The following METRNL variants were observed in gnomAD, a reference collection of about 807,000 sequenced individuals.
METRNL encodes the protein meteorin-like protein.
METRNL carries 9 observed loss-of-function variants against 17.4 expected under a neutral mutation model. The ratio of observed to expected loss-of-function variants is 0.52; its 90% CI spans 0.31 to 0.90. The LOEUF is 0.90. Ranked by LOEUF, METRNL falls within the 40% of genes least tolerant of loss-of-function variation. The probability of loss-of-function intolerance (pLI) is 0.05; values close to 1 mark genes in which losing one functional copy is unlikely to be tolerated. For synonymous variants in METRNL, 215 were observed against 199.3 expected, an observed-to-expected ratio of 1.08 and a Z score of -0.66; for missense variants, 408 against 430.7, an observed-to-expected ratio of 0.95 and a Z score of 0.47.
intron 2 of METRNL, among the ~76,000 whole-genome samples, chr17:83,088,976 A>G (rs572891179): frequency 6.6e-6 from 1 of 152,088 alleles, no homozygotes; most frequent in East Asian, 1.9e-4. Flanking sequence ...TGTAATTTTC[A>G]TTTTAACCAT....
chr17:83,082,060 T>G, intron 1 of METRNL: 1 of 985,290 alleles, frequency 1.0e-6, no homozygotes, highest in Non-Finnish European at 1.2e-6. Context: ...TGCTGGGTGT[T>G]TCTTCTAAGC....
Position 83,080,857 on chromosome 17 carries a change from G to A in METRNL, c.170+872G>A, listed in dbSNP as rs557023726. 8.9e-3 allele frequency among the ~76,000 whole-genome samples: 1,334 copies of A among 150,658 alleles called. 6 individuals carry two copies. Among genetic ancestry groups the A allele is most frequent in the Middle Eastern group, 0.024 (7 of 288 alleles). On this transcript the variant is annotated intron_variant, in intron 1 of 3. Transcript: ENST00000320095. ...CCTGGGTCCCGCTTCCCCTCGGCGC[G>A]GCCCCCGCCCCCGCCCCCGCCCCCG...
rs779899356 is a variant in METRNL at position 83,085,181 on chromosome 17, C to G, written c.414C>G (p.Pro138=). The change falls in exon 2 of 4, where the codon CCC becomes CCG. Residue 138 remains proline (P), a synonymous_variant. Coordinates refer to ENST00000320095, the MANE Select transcript of METRNL (RefSeq NM_001004431.3). ...RLLVPDGDGR[P]GRVQCFGLEQ... is the part of the protein sequence containing the mutation. The stretch of plus-strand genomic sequence containing the variant: ...TGGTACCAGACGGGGACGGCAGGCC[C>G]GGCCGGGTGCAGTGTTTTGGCCTGG... The G allele has an allele frequency of 3.1e-6, 5 of 1,611,484 alleles. No individual in the cohort carries two copies. The highest frequency in any genetic ancestry group is 4.2e-6 in the Non-Finnish European group (5 of 1,178,832).
rs371742209 is a variant in METRNL at position 83,084,640 on chromosome 17, T to C, written c.171-298T>C. 622 of 444,966 alleles carry C rather than the reference T, an allele frequency of 1.4e-3. 4 individuals are homozygous for C. The highest frequency in any genetic ancestry group is 8.5e-3 in the Middle Eastern group (15 of 1,762). 27.6% of individuals were successfully genotyped at this position (444,966 alleles called of 1,614,324 possible). A position where few individuals can be genotyped will look rare whatever the true frequency, so the allele number is the denominator to read the frequency against. The stretch of plus-strand genomic sequence containing the variant: ...GCGCAGACTCTTGAGTGTTGGAGGG[T>C]GTCTGGAGGGCCTGGGGACAAGCAC... On this transcript the variant is annotated intron_variant, in intron 1 of 3. Transcript: ENST00000320095.
rs1326463453 is a variant in METRNL, at chr17:83,094,331, G to C, written c.692G>C (p.Arg231Thr). 1.2e-6 allele frequency: 2 copies of C among 1,609,674 alleles called. No individual in the cohort carries two copies. Among genetic ancestry groups the C allele is most frequent in the Non-Finnish European group, 1.7e-6 (2 of 1,177,586 alleles). Residue 231 changes from arginine to threonine, a missense_variant, in exon 4 of 4, where the codon AGA (arginine) becomes ACA (threonine). Physicochemically the swap from Arg to Thr is moderately conservative, Grantham distance 71. Coordinates refer to ENST00000320095, the MANE Select transcript of METRNL (RefSeq NM_001004431.3). ...QDSAIHLRVS[R>T]LYRQKSRVFE... is the part of the protein sequence containing the mutation. ...TCAGCCATCCACCTGCGCGTGAGCA[G>C]ACTCTATCGGCAGAAAAGCAGGGTC... is the stretch of plus-strand genomic sequence containing the variant.
At chr17:83,081,363 C>A (rs8068701) in intron 1 of METRNL, among the ~76,000 whole-genome samples, 81,224 of 151,972 alleles carry the variant, frequency 0.53, 21,725 homozygotes, top group East Asian at 0.61. Flanking sequence ...CCAGAAACGC[C>A]GCCCCCGCCA....
intron 2 of METRNL, among the ~76,000 whole-genome samples, chr17:83,091,064 G>A (rs1312732888): frequency 2.6e-5 from 4 of 152,168 alleles, no homozygotes; most frequent in Non-Finnish European, 4.4e-5. Context: ...CGTGGTGGGG[G>A]CTGCAGTGTG....
At chr17:83,084,566 T>A (rs1432274352) in intron 1 of METRNL, 21 of 242,384 alleles carry the variant, frequency 8.7e-5, no homozygotes, top group Middle Eastern at 1.2e-3. Context: ...CCAGCCACCC[T>A]GATTCAGGGA....
intron 1 of METRNL, among the ~76,000 whole-genome samples, chr17:83,082,674 G>T (rs917959901): frequency 1.2e-4 from 18 of 152,312 alleles, no homozygotes; most frequent in Admixed American, 9.2e-4. Context: ...CAGCAATTTT[G>T]CATAAACAGA....
intron 2 of METRNL, 38 bp downstream of exon 2, chr17:83,085,361 T>G (rs2038041003): frequency 6.6e-7 from 1 of 1,511,178 alleles, no homozygotes; most frequent in South Asian, 1.3e-5. Context: ...GCGGGCCTCG[T>G]CATCACGGGG....
At chr17:83,085,437 C>A in intron 2 of METRNL, 114 bp downstream of exon 2, 1 of 1,347,008 alleles carries the variant, frequency 7.4e-7, no homozygotes, top group Non-Finnish European at 1.0e-6. Flanking sequence ...TGGTGAAAAC[C>A]CTTCTGTGTC....
intron 2 of METRNL, among the ~76,000 whole-genome samples, chr17:83,090,187 G>C (rs1482500669): frequency 2.6e-5 from 1 of 38,652 alleles, no homozygotes; most frequent in Admixed American, 4.5e-4. Flanking sequence ...CCCCGCCCCA[G>C]GGTGGGAGCC....
chr17:83,084,299 A>G (rs1429425631), intron 1 of METRNL: 3 of 152,402 alleles, frequency 2.0e-5, no homozygotes, highest in Non-Finnish European at 4.4e-5. Flanking sequence ...GACAAAACTC[A>G]TCTACAACCT....
At position 83,094,946 on chromosome 17, in the gene METRNL, C is replaced by T. The variant is rs182218130; in HGVS notation, c.*371C>T. On this transcript the variant is annotated 3_prime_UTR_variant, in exon 4 of 4. Transcript: ENST00000320095. ...GCCTGCGGTTGGGTGAAGCACTGGC[C>T]GTTGGGCACAGTGGATGTGTGAAAA... 5.1e-5 allele frequency: 12 copies of T among 233,378 alleles called. No individual in the cohort carries two copies. The highest frequency in any genetic ancestry group is 4.6e-4 in the Admixed American group (8 of 17,508). The allele number at this position is 233,378 out of a possible 1,614,324, so 14.5% of individuals were successfully genotyped here. A position where few individuals can be genotyped will look rare whatever the true frequency, so the allele number is the denominator to read the frequency against.
intron 2 of METRNL, among the ~76,000 whole-genome samples, chr17:83,090,170 A>AC (rs1568338570): frequency 2.6e-4 from 12 of 45,610 alleles, no homozygotes; most frequent in African/African-American, 8.4e-4. Flanking sequence ...GGAGCCACAC[A>AC]CCCCTGCCCC....
At chr17:83,080,008 C>T (rs1431822835) in intron 1 of METRNL, 23 bp downstream of exon 1, 20 of 1,011,062 alleles carry the variant, frequency 2.0e-5, no homozygotes, top group Non-Finnish European at 2.2e-5. Flanking sequence ...GGCGCGACCC[C>T]GGCCCGGCCC....
At chr17:83,093,059 C>A in intron 2 of METRNL, 108 bp from the exon 3 acceptor site, 1 of 875,752 alleles carries the variant, frequency 1.1e-6, no homozygotes, top group Non-Finnish European at 1.8e-6. Flanking sequence ...ACGTGGACAC[C>A]CTCCCTGACT....
chr17:83,082,218 C>T (rs923994909), intron 1 of METRNL: 86 of 985,322 alleles, frequency 8.7e-5, no homozygotes, highest in Admixed American at 4.3e-4. Flanking sequence ...ACACCTGGTT[C>T]GTCTCTCCTG....
intron 2 of METRNL, among the ~76,000 whole-genome samples, chr17:83,092,182 G>A (rs2038145944): frequency 6.6e-6 from 1 of 152,232 alleles, no homozygotes; most frequent in Admixed American, 6.5e-5. Context: ...TGGCTTGAAA[G>A]CCATTTGGGG....
Sources: allele counts gnomAD v4.1 joint callset (sites outside exome capture counted in the v4.1 genomes callset), GRCh38; gene constraint gnomAD v4.1.1; transcripts MANE v1.5; gene names NCBI Gene and HGNC (gene_info 2026-07-23, HGNC 2026-07-21).